Variants in PTPRD observed in about 807,000 individuals in gnomAD.
PTPRD encodes receptor-type tyrosine-protein phosphatase delta.
A neutral mutation model predicts 214.5 loss-of-function variants in PTPRD; 34 were observed. That is an observed-to-expected ratio of 0.16 (90% CI 0.12 to 0.21). The LOEUF is 0.21. Ranked by LOEUF, PTPRD falls within the 10% of genes least tolerant of loss-of-function variation. The probability of loss-of-function intolerance (pLI) is 1.00; values close to 1 mark genes in which losing one functional copy is unlikely to be tolerated. For synonymous variants in PTPRD, 1,128 were observed against 845.7 expected (o/e 1.33, Z -5.79); for missense variants, 2,545 against 2,398.7 (o/e 1.06, Z -1.27).
intron 2 of PTPRD, among the ~76,000 whole-genome samples, chr9:10,345,779 C>A (rs1474508302): frequency 6.6e-6 from 1 of 152,164 alleles, no homozygotes; most frequent in African/African-American, 2.4e-5. Context: ...GGTATAATCC[C>A]AGTAATGGGA....
chr9:9,203,074 A>G (rs2099942800), intron 9 of PTPRD, among the ~76,000 whole-genome samples: 1 of 152,126 alleles, frequency 6.6e-6, no homozygotes, highest in Admixed American at 6.6e-5. Flanking sequence ...AATATTTTAG[A>G]TACAAGTTTA....
intron 35 of PTPRD, among the ~76,000 whole-genome samples, chr9:8,409,527 C>T (rs895424027): frequency 6.6e-6 from 1 of 152,154 alleles, no homozygotes; most frequent in African/African-American, 2.4e-5. Flanking sequence ...ATTTGCACAT[C>T]AGATTACAGT....
chr9:9,618,820 G>A (rs537978694), intron 7 of PTPRD, among the ~76,000 whole-genome samples: 1 of 152,138 alleles, frequency 6.6e-6, no homozygotes, highest in South Asian at 2.1e-4. Context: ...ATTTAAATAG[G>A]ATCACCCAAG....
At chr9:10,459,106 T>C (rs183841983) in intron 2 of PTPRD, among the ~76,000 whole-genome samples, 1 of 152,164 alleles carries the variant, frequency 6.6e-6, no homozygotes, top group Non-Finnish European at 1.5e-5. Context: ...TGTCCCTGTG[T>C]TCTCATCGTT....
intron 5 of PTPRD, among the ~76,000 whole-genome samples, chr9:9,812,501 G>A (rs1598504425): frequency 6.6e-6 from 1 of 152,078 alleles, no homozygotes; most frequent in African/African-American, 2.4e-5. Context: ...CCATGGAAAT[G>A]GTAACCAAAA....
chr9:10,529,692 A>G (rs969492887), intron 2 of PTPRD, among the ~76,000 whole-genome samples: 2 of 151,866 alleles, frequency 1.3e-5, no homozygotes. Context: ...CGTTCTGCAC[A>G]TGTATCCCAG....
At chr9:10,603,861 CT>C (rs1477123745) in intron 2 of PTPRD, among the ~76,000 whole-genome samples, 15 of 151,846 alleles carry the variant, frequency 9.9e-5, no homozygotes, top group Admixed American at 8.5e-4. Flanking sequence ...TTACATACTT[CT>C]TTTAATCCCA....
chr9:10,189,359 T>A (rs1321267674), intron 3 of PTPRD, among the ~76,000 whole-genome samples: 1 of 152,154 alleles, frequency 6.6e-6, no homozygotes, highest in Non-Finnish European at 1.5e-5. Flanking sequence ...TCTTTCATCC[T>A]CAAGGAAGCT....
At chr9:10,168,005 A>T (rs560001237) in intron 3 of PTPRD, among the ~76,000 whole-genome samples, 1 of 152,204 alleles carries the variant, frequency 6.6e-6, no homozygotes, top group African/African-American at 2.4e-5. Context: ...CTCAGTGACC[A>T]TTATCCTTGG....
At chr9:10,387,063 G>C (rs979939045) in intron 2 of PTPRD, among the ~76,000 whole-genome samples, 1 of 151,680 alleles carries the variant, frequency 6.6e-6, no homozygotes, top group Non-Finnish European at 1.5e-5. Flanking sequence ...GCTGGAAATA[G>C]AGAAAAAAAT....
chr9:9,935,014 C>A (rs1268627311), intron 5 of PTPRD, among the ~76,000 whole-genome samples: 1 of 152,104 alleles, frequency 6.6e-6, no homozygotes, highest in East Asian at 1.9e-4. Flanking sequence ...AGGCCTTTGA[C>A]AAAATTCAAC....
At chr9:9,225,480 T>C (rs958461137) in intron 9 of PTPRD, among the ~76,000 whole-genome samples, 3 of 152,030 alleles carry the variant, frequency 2.0e-5, no homozygotes, top group Non-Finnish European at 4.4e-5. Flanking sequence ...AAACAACTCA[T>C]GCTGGTTGCT....
At chr9:8,731,073 C>T (rs2098652420) in intron 12 of PTPRD, among the ~76,000 whole-genome samples, 1 of 152,174 alleles carries the variant, frequency 6.6e-6, no homozygotes, top group African/African-American at 2.4e-5. Context: ...CACAATTTTC[C>T]AACCTAGGTT....
chr9:9,619,282 A>G (rs905766833), intron 7 of PTPRD, among the ~76,000 whole-genome samples: 2 of 152,028 alleles, frequency 1.3e-5, no homozygotes, highest in African/African-American at 2.4e-5. Flanking sequence ...TTGCAGTATC[A>G]TTTTGAGACT....
intron 2 of PTPRD, among the ~76,000 whole-genome samples, chr9:10,484,816 G>A (rs1484926377): frequency 2.6e-5 from 4 of 151,896 alleles, no homozygotes; most frequent in South Asian, 2.1e-4. Context: ...TATTCTGTGC[G>A]TTGTCTCTTC....
chr9:8,728,502 C>A (rs1439852142), intron 12 of PTPRD, among the ~76,000 whole-genome samples: 2 of 152,106 alleles, frequency 1.3e-5, no homozygotes, highest in Non-Finnish European at 2.9e-5. Flanking sequence ...ATGGCAAAAA[C>A]CAAAATCTTT....
chr9:8,848,186 G>A (rs901025375), intron 11 of PTPRD, among the ~76,000 whole-genome samples: 1 of 151,658 alleles, frequency 6.6e-6, no homozygotes, highest in Non-Finnish European at 1.5e-5. Context: ...AAAGGTCATC[G>A]AATCAAAACC....
At chr9:10,213,827 C>T (rs1026687918) in intron 3 of PTPRD, among the ~76,000 whole-genome samples, 2 of 152,018 alleles carry the variant, frequency 1.3e-5, no homozygotes, top group African/African-American at 4.8e-5. Flanking sequence ...CCTATATTAT[C>T]ACCCTTAGTT....
At chr9:8,837,594 T>C (rs1319719890) in intron 11 of PTPRD, among the ~76,000 whole-genome samples, 1 of 152,158 alleles carries the variant, frequency 6.6e-6, no homozygotes, top group Non-Finnish European at 1.5e-5. Flanking sequence ...CTGCCCAAGC[T>C]CAAGTGATTC....
Sources: gnomAD v4.1 joint callset for allele counts (sites outside exome capture counted in the v4.1 genomes callset) on GRCh38, gnomAD v4.1.1 for gene constraint, MANE v1.5 for transcripts, NCBI Gene and HGNC (gene_info 2026-07-23, HGNC 2026-07-21) for gene names.